Variants in ARSL observed in about 807,000 individuals in gnomAD.
ARSL encodes the protein arylsulfatase E (chondrodysplasia punctata 1).
In ARSL, 4 loss-of-function variants were observed where a neutral mutation model predicts 31.1. The observed-to-expected ratio is 0.13, with a 90% CI of 0.06 to 0.29. The LOEUF is 0.29. ARSL is among the 10% of genes least tolerant of loss of function. The pLI, the probability that ARSL is intolerant of heterozygous loss-of-function variation, is 1.00. For synonymous variants in ARSL, 198 were observed against 209.9 expected, an observed-to-expected ratio of 0.94 and a Z score of 0.49; for missense variants, 312 against 497.8, an observed-to-expected ratio of 0.63 and a Z score of 3.55.
intron 2 of ARSL, chrX:2,959,928 GAAGA>G (rs2089582391): frequency 8.6e-6 from 2 of 232,416 alleles, no homozygotes; most frequent in African/African-American, 3.3e-5. Flanking sequence ...GGGAAGGAAG[GAAGA>G]AAGAGAGAGA....
chrX:2,961,099 G>GGA (rs1320306945), intron 1 of ARSL, among the ~76,000 whole-genome samples: 2 of 111,230 alleles, frequency 1.8e-5, no homozygotes, highest in African/African-American at 6.6e-5. Flanking sequence ...GCTGCATGAA[G>GGA]GAGAGACGCA....
intron 8 of ARSL, among the ~76,000 whole-genome samples, chrX:2,938,472 C>A (rs746406675): frequency 9.0e-6 from 1 of 111,294 alleles, no homozygotes; most frequent in Admixed American, 9.6e-5. Flanking sequence ...TTTTTATTAA[C>A]CTTGTTATTG....
chrX:2,935,289 G>T, intron 10 of ARSL, 99 bp from the exon 11 acceptor site: 1 of 817,471 alleles, frequency 1.2e-6, no homozygotes, highest in Non-Finnish European at 1.8e-6. Context: ...CCTAACCCAA[G>T]CGTCCATCGA....
rs1368464914 is a variant in ARSL, at chrX:2,934,749, GA to G, written c.*82del. 1.0e-6 allele frequency: 1 copy of G among 982,384 alleles called. No homozygotes were observed. Among genetic ancestry groups the G allele is most frequent in the African/African-American group, 1.9e-5 (1 of 52,534 alleles). The allele number at this position is 982,384 out of a possible 1,213,427, so 81.0% of individuals were successfully genotyped here. ...TGGTGGCCTCCTAAAGTGCTGGGAT[GA>G]CAACCACCATGGCCAGCTGGTTTGT... is the stretch of plus-strand genomic sequence containing the variant. On this transcript the variant is annotated 3_prime_UTR_variant, in exon 11 of 11. Transcript: ENST00000381134.
chrX:2,958,808 G>A (rs1003635979), intron 2 of ARSL, among the ~76,000 whole-genome samples: 1 of 111,292 alleles, frequency 9.0e-6, no homozygotes, highest in Admixed American at 9.6e-5. Flanking sequence ...GCAACATGGT[G>A]AAAACTCATC....
chrX:2,965,433 G>A (rs1411885485), upstream of ARSL, among the ~76,000 whole-genome samples: 1 of 108,921 alleles, frequency 9.2e-6, no homozygotes, highest in Non-Finnish European at 1.9e-5. Context: ...CCCCGGAGTC[G>A]GAGGTTACAG....
At position 2,959,576 on chromosome X, in the gene ARSL, T is replaced by C. The variant is rs923984821; in HGVS notation, c.23+802A>G. 3 of 1,132,990 alleles carry C rather than the reference T, an allele frequency of 2.6e-6. No homozygotes were observed. The African/African-American group carries it at 5.5e-5, about 21-fold the overall frequency. 93.4% of individuals were successfully genotyped at this position (1,132,990 alleles called of 1,213,427 possible). ...GATTTTCCCTGGAAAACCAGACACC[T>C]GGCCGATGGTAGCGGTTGATGCCCA... On this transcript the variant is annotated intron_variant, in intron 2 of 10. Transcript: ENST00000381134.
At chrX:2,935,703 T>TA (rs2089190483) in intron 10 of ARSL, among the ~76,000 whole-genome samples, 1 of 89,225 alleles carries the variant, frequency 1.1e-5, no homozygotes, top group Admixed American at 1.2e-4. Flanking sequence ...TTTTTTTTTT[T>TA]TTTTATTTGA....
chrX:2,965,769 C>T (rs902654946), upstream of ARSL, among the ~76,000 whole-genome samples: 3 of 110,953 alleles, frequency 2.7e-5, no homozygotes, highest in African/African-American at 6.5e-5. Context: ...GATGTGGTGG[C>T]GTGCACCTGT....
rs143056368 is a variant in ARSL at position 2,954,738 on chromosome X, C to T, written c.307+678G>A. 2.1e-4 allele frequency among the ~76,000 whole-genome samples: 23 copies of T among 112,162 alleles called. No individual in the cohort carries two copies. The East Asian group carries it at 5.6e-3, about 27-fold the overall frequency. ...ACTCACAGTTTCTGATAGTTTATTA[C>T]TCACAGTTCAAGAGGACGCAGGGGT... On this transcript the variant is annotated intron_variant, in intron 4 of 10. Coordinates refer to ENST00000381134, the MANE Select transcript of ARSL (RefSeq NM_000047.3).
At chrX:2,952,708 C>T (rs982738185) in intron 5 of ARSL, 1 of 120,993 alleles carries the variant, frequency 8.3e-6, no homozygotes, top group African/African-American at 3.2e-5. Flanking sequence ...ACAAAAAGTC[C>T]ATGTGAAGGG....
chrX:2,960,591 A>G (rs1383278932), intron 1 of ARSL, 171 bp from the exon 2 acceptor site: 2 of 459,483 alleles, frequency 4.4e-6, no homozygotes, highest in Non-Finnish European at 7.3e-6. Context: ...TTCCCGAGTG[A>G]AAAGGCTTCA....
intron 9 of ARSL, 138 bp downstream of exon 9, chrX:2,937,957 A>G: frequency 1.7e-5 from 15 of 867,005 alleles, no homozygotes; most frequent in Admixed American, 2.5e-5. Context: ...GGCCATGAGA[A>G]TAAGCAGCCC....
Position 2,935,050 on chromosome X carries a change from T to C in ARSL, c.1552A>G (p.Arg518Gly), listed in dbSNP as rs2089177427. 8.3e-7 allele frequency: 1 copy of C among 1,211,406 alleles called. No homozygotes were observed. Among genetic ancestry groups the C allele is most frequent in the African/African-American group, 1.7e-5 (1 of 57,746 alleles). ...AGGATGTGGGTCTCAGAAGGGTCTC[T>C]TGAGAGGTCAAAGAGCAAAGGTGGA... Reference protein sequence around the residue: ...HDPPLLFDLSRDPSETHILTP... With the variant: ...HDPPLLFDLSGDPSETHILTP... The change falls in exon 11 of 11, where the codon AGA (arginine) becomes GGA (glycine). Residue 518 changes from arginine (R) to glycine (G), a missense_variant. Coordinates refer to ENST00000381134, the MANE Select transcript of ARSL (RefSeq NM_000047.3).
At chrX:2,945,603 G>A (rs2147369902) in intron 7 of ARSL, among the ~76,000 whole-genome samples, 1 of 111,417 alleles carries the variant, frequency 9.0e-6, no homozygotes, top group African/African-American at 3.3e-5. Flanking sequence ...ATGGGGATTA[G>A]GATGTGGACA....
At chrX:2,947,894 G>A (rs1267690002) in intron 6 of ARSL, among the ~76,000 whole-genome samples, 2 of 112,150 alleles carry the variant, frequency 1.8e-5, no homozygotes, top group African/African-American at 6.5e-5. Flanking sequence ...AAGCCAAGGC[G>A]GGTAGATCAC....
intron 5 of ARSL, 129 bp downstream of exon 5, chrX:2,953,014 A>G (rs950793669): frequency 2.4e-6 from 2 of 828,516 alleles, no homozygotes; most frequent in Non-Finnish European, 3.5e-6. Flanking sequence ...CATGGTTCCT[A>G]GATACATGCA....
chrX:2,965,097 G>C (rs2089686849), upstream of ARSL, among the ~76,000 whole-genome samples: 3 of 111,108 alleles, frequency 2.7e-5, no homozygotes, highest in South Asian at 1.1e-3. Flanking sequence ...AAAAAAAAAT[G>C]TTTTAAAGAA....
chrX:2,956,683 G>A (rs980814686), intron 3 of ARSL, among the ~76,000 whole-genome samples: 6 of 108,419 alleles, frequency 5.5e-5, no homozygotes, highest in African/African-American at 1.0e-4. Context: ...GGCTGGTCTC[G>A]AACTCCTGAC....
Sources: allele counts gnomAD v4.1 joint callset (sites outside exome capture counted in the v4.1 genomes callset), GRCh38; gene constraint gnomAD v4.1.1; transcripts MANE v1.5; gene names NCBI Gene and HGNC (gene_info 2026-07-23, HGNC 2026-07-21).